GVQW3: variants seen among roughly 807,000 people sequenced by gnomAD.
GVQW3 encodes protein GVQW3.
A neutral mutation model predicts 12.5 loss-of-function variants in GVQW3; 7 were observed. The ratio of observed to expected loss-of-function variants is 0.56; its 90% CI spans 0.32 to 1.05. The LOEUF is 1.05. Ranked by LOEUF, GVQW3 falls within the 50% of genes least tolerant of loss-of-function variation. The pLI is 0.04. For synonymous variants in GVQW3, 71 were observed against 67.2 expected, an observed-to-expected ratio of 1.06 and a Z score of -0.28; for missense variants, 188 against 190.8, an observed-to-expected ratio of 0.99 and a Z score of 0.09.
intron 1 of GVQW3, among the ~76,000 whole-genome samples, chr11:76,388,813 G>A (rs997186259): frequency 2.6e-5 from 4 of 152,050 alleles, no homozygotes; most frequent in Non-Finnish European, 4.4e-5. Flanking sequence ...CTCTCCAGCT[G>A]CATTAATAAT....
At chr11:76,392,584 G>T (rs985308530) in intron 1 of GVQW3, 6 of 152,142 alleles carry the variant, frequency 3.9e-5, no homozygotes, top group Non-Finnish European at 7.3e-5. Flanking sequence ...TTACTAAAAT[G>T]TACATTCTTA....
chr11:76,383,879 T>A (rs1428910356), intron 1 of GVQW3: 1 of 152,122 alleles, frequency 6.6e-6, no homozygotes, highest in Admixed American at 6.5e-5. Flanking sequence ...CAATTTGGGA[T>A]AATTTGCTTT....
chr11:76,384,832 CT>C (rs1301410649), intron 1 of GVQW3, among the ~76,000 whole-genome samples: 4 of 152,230 alleles, frequency 2.6e-5, no homozygotes, highest in South Asian at 4.1e-4. Flanking sequence ...GGACACTGCA[CT>C]TTAGGAACAA....
intron 1 of GVQW3, among the ~76,000 whole-genome samples, chr11:76,390,607 G>A (rs528291312): frequency 2.2e-4 from 34 of 152,256 alleles, no homozygotes; most frequent in African/African-American, 3.1e-4. Context: ...AGGCCGAGGC[G>A]GGTGGATCAC....
chr11:76,390,053 A>G (rs1198977738), intron 1 of GVQW3: 1 of 152,236 alleles, frequency 6.6e-6, no homozygotes, highest in Non-Finnish European at 1.5e-5. Flanking sequence ...GCTAATGCCT[A>G]TCCATAGATG....
At chr11:76,389,818 C>T (rs912991818) in intron 1 of GVQW3, 1 of 152,212 alleles carries the variant, frequency 6.6e-6, no homozygotes, top group African/African-American at 2.4e-5. Flanking sequence ...TGTGCCAAGT[C>T]TACCTCCTCC....
Position 76,381,795 on chromosome 11 carries a change from C to T in GVQW3, c.-34C>T. The T allele has an allele frequency of 6.7e-7, 1 of 1,484,452 alleles. No homozygotes were observed. The highest frequency in any genetic ancestry group is 8.9e-7 in the Non-Finnish European group (1 of 1,122,796). The allele number at this position is 1,484,452 out of a possible 1,614,324, so 92.0% of individuals were successfully genotyped here. A position where few individuals can be genotyped will look rare whatever the true frequency, so the allele number is the denominator to read the frequency against. On this transcript the variant is annotated 5_prime_UTR_variant, in exon 1 of 2. Transcript: ENST00000529331. ...GTCCGTCTTTCCCTTACAGTCGTGG[C>T]CTGTTAAACGTTCCTGTGTTGTTCA...
intron 1 of GVQW3, among the ~76,000 whole-genome samples, chr11:76,395,879 A>G (rs981060183): frequency 6.6e-6 from 1 of 152,120 alleles, no homozygotes; most frequent in Non-Finnish European, 1.5e-5. Context: ...GTTAGATGAG[A>G]CCAGAGTAAT....
intron 1 of GVQW3, among the ~76,000 whole-genome samples, chr11:76,385,675 C>T (rs1946826382): frequency 1.3e-5 from 2 of 152,146 alleles, no homozygotes; most frequent in African/African-American, 2.4e-5. Flanking sequence ...TTCAGCTCCC[C>T]GCTTCAGCTG....
chr11:76,391,089 T>C lies in GVQW3; in HGVS notation c.465+8796T>C, dbSNP rs1946887879. Reference sequence around the variant, plus strand: ...CCGGAATTACCCTACAACGTGGTGGTAGTCGGCAAGAAGCCTGACTGGTTG... The same window carrying C: ...CCGGAATTACCCTACAACGTGGTGGCAGTCGGCAAGAAGCCTGACTGGTTG... On this transcript the variant is annotated intron_variant, in intron 1 of 1. Coordinates refer to ENST00000529331, the MANE Select transcript of GVQW3 (RefSeq NM_001347885.2). 5.9e-5 allele frequency among the ~76,000 whole-genome samples: 9 copies of C among 152,344 alleles called. No homozygotes were observed. In the South Asian group the frequency reaches 1.9e-3, roughly 32 times the overall value.
intron 1 of GVQW3, chr11:76,382,574 C>G (rs572787376): frequency 1.7e-6 from 1 of 594,490 alleles, no homozygotes; most frequent in South Asian, 2.1e-5. Context: ...GTGCCATGGC[C>G]CTCCTCATTA....
At position 76,403,920 on chromosome 11, in the gene GVQW3, A is replaced by T. The variant is rs1371056996; in HGVS notation, c.*162A>T. 1 of 701,780 alleles carries T rather than the reference A, an allele frequency of 1.4e-6. No individual in the cohort carries two copies. The highest frequency in any genetic ancestry group is 2.6e-6 in the Non-Finnish European group (1 of 384,348). The allele number at this position is 701,780 out of a possible 1,614,324, so 43.5% of individuals were successfully genotyped here. ...GCCCTTCTATCTTTTTGTTCTATTCAGGTCCTCAATGAATTGGATGATGTC... is the reference window on the plus strand; with the variant it reads ...GCCCTTCTATCTTTTTGTTCTATTCTGGTCCTCAATGAATTGGATGATGTC... On this transcript the variant is annotated 3_prime_UTR_variant, in exon 2 of 2. Coordinates refer to ENST00000529331, the MANE Select transcript of GVQW3 (RefSeq NM_001347885.2).
intron 1 of GVQW3, among the ~76,000 whole-genome samples, chr11:76,395,796 A>T (rs1003911751): frequency 1.8e-4 from 27 of 152,172 alleles, no homozygotes; most frequent in Non-Finnish European, 3.8e-4. Context: ...CTTATCTATC[A>T]ATTTTACCTA....
At chr11:76,391,002 G>T (rs1005444860) in intron 1 of GVQW3, among the ~76,000 whole-genome samples, 2 of 151,994 alleles carry the variant, frequency 1.3e-5, no homozygotes, top group Non-Finnish European at 2.9e-5. Flanking sequence ...CACAACACCT[G>T]GCATGGAGTA....
At chr11:76,390,632 G>C (rs111652793) in intron 1 of GVQW3, among the ~76,000 whole-genome samples, 1 of 152,094 alleles carries the variant, frequency 6.6e-6, no homozygotes, top group Non-Finnish European at 1.5e-5. Flanking sequence ...TCAGGAGATC[G>C]AGACCACGGT....
downstream of GVQW3, among the ~76,000 whole-genome samples, chr11:76,409,372 G>A (rs1331520191): frequency 6.6e-6 from 1 of 152,164 alleles, no homozygotes; most frequent in Non-Finnish European, 1.5e-5. Context: ...AAATTTAGGG[G>A]AAGAACTTTC....
At chr11:76,382,477 G>A (rs1946786823) in intron 1 of GVQW3, 184 bp downstream of exon 1, 1 of 636,900 alleles carries the variant, frequency 1.6e-6, no homozygotes, top group Admixed American at 2.6e-5. Context: ...ATGTGAGTTA[G>A]CTGAACCAGA....
intron 1 of GVQW3, among the ~76,000 whole-genome samples, chr11:76,384,722 C>T (rs527839299): frequency 6.6e-6 from 1 of 152,360 alleles, no homozygotes; most frequent in East Asian, 1.9e-4. Context: ...AGCTTATAGA[C>T]CTCCAGCTCC....
intron 1 of GVQW3, among the ~76,000 whole-genome samples, chr11:76,399,771 A>T (rs1037497619): frequency 2.0e-5 from 3 of 151,996 alleles, no homozygotes; most frequent in African/African-American, 4.8e-5. Flanking sequence ...CTGCCTCCAG[A>T]CTCAAACTGA....
Sources: allele counts gnomAD v4.1 joint callset (sites outside exome capture counted in the v4.1 genomes callset), GRCh38; gene constraint gnomAD v4.1.1; transcripts MANE v1.5; gene names NCBI Gene and HGNC (gene_info 2026-07-23, HGNC 2026-07-21).